The following POLH variants were observed in gnomAD, a reference collection of about 807,000 sequenced individuals.
POLH encodes the protein DNA polymerase eta.
Under a neutral mutation model 73.6 loss-of-function variants are expected in POLH, and 53 were observed. That is an observed-to-expected ratio of 0.72 (90% CI 0.58 to 0.91). POLH has a LOEUF of 0.91. POLH is among the 40% of genes least tolerant of loss of function. The probability of loss-of-function intolerance (pLI) is 0.00; values close to 1 mark genes in which losing one functional copy is unlikely to be tolerated. For synonymous variants in POLH, 292 were observed against 308.5 expected (o/e 0.95, Z 0.56); for missense variants, 768 against 865.4 (o/e 0.89, Z 1.41).
Position 43,605,278 on chromosome 6 carries a change from G to A in POLH, c.1033G>A (p.Ala345Thr). ...EQVQWWLLQL[A>T]QELEERLTKD... is the part of the protein sequence containing the mutation. ...GGTACAATGGTGGCTGTTGCAATTAGCCCAGGAACTAGAGGAGAGACTGAC... is the reference window on the plus strand; with the variant it reads ...GGTACAATGGTGGCTGTTGCAATTAACCCAGGAACTAGAGGAGAGACTGAC... The change falls in exon 9 of 11, where the codon GCC becomes ACC. Residue 345 changes from alanine to threonine, a missense_variant. Ala to Thr is a moderately conservative substitution (Grantham distance 58, BLOSUM62 0). Coordinates refer to ENST00000372236, the MANE Select transcript of POLH (RefSeq NM_006502.3). 2 of 1,596,036 alleles carry A rather than the reference G, an allele frequency of 1.3e-6. No individual in the cohort carries two copies. Among genetic ancestry groups the A allele is most frequent in the Non-Finnish European group, 1.7e-6 (2 of 1,163,854 alleles).
In POLH at chr6:43,614,343, C is replaced by T. The variant is rs755487113; in HGVS notation, c.1928C>T (p.Pro643Leu). The T allele has an allele frequency of 3.8e-5, 61 of 1,607,006 alleles. No homozygotes were observed. The highest frequency in any genetic ancestry group is 5.0e-5 in the Admixed American group (3 of 59,708). Residue 643 changes from proline (P) to leucine (L), a missense_variant, in exon 11 of 11, where the codon CCG becomes CTG. Pro to Leu is a moderately conservative substitution (Grantham distance 98, BLOSUM62 -3). Transcript: ENST00000372236. ...TGTGAGAAGTGTGGCTCCCTGGTAC[C>T]GGTATGGGATATGCCAGAACACATG... is the stretch of plus-strand genomic sequence containing the variant. The part of the protein sequence containing the change: ...VPCEKCGSLV[P>L]VWDMPEHMDY...
At position 43,592,404 on chromosome 6, in the gene POLH, C is replaced by CTT. The variant is rs897203358; in HGVS notation, c.490+4932_490+4933dup. 1.5e-3 allele frequency among the ~76,000 whole-genome samples: 199 copies of CTT among 131,788 alleles called. 1 individual carries two copies. The highest frequency in any genetic ancestry group is 4.7e-3 in the African/African-American group (160 of 34,044). 86.5% of individuals were successfully genotyped at this position (131,788 alleles called of 152,430 possible). ...TCCTGCATTTGCAGCTTTGTATCTT[C>CTT]TTTTTTTTTTTTTTTTTTGGAGAGG... On this transcript the variant is annotated intron_variant, in intron 4 of 10. Transcript: ENST00000372236.
chr6:43,593,908 GAAAA>G (rs1765759356), intron 4 of POLH, among the ~76,000 whole-genome samples: 1 of 143,910 alleles, frequency 6.9e-6, no homozygotes, highest in East Asian at 2.0e-4. Context: ...AAGAAAGAAA[GAAAA>G]GTTTTTTCTC....
rs1057450438 is a variant in POLH, at chr6:43,582,216, A to G, written c.-4-100A>G. ...CATTCTTGTTAGTTTCCATGCTCCCATGCTCATGGTAACTCATCAGTGAAA... is the reference window on the plus strand; with the variant it reads ...CATTCTTGTTAGTTTCCATGCTCCCGTGCTCATGGTAACTCATCAGTGAAA... On this transcript the variant is annotated intron_variant, in intron 1 of 10. Coordinates refer to ENST00000372236, the MANE Select transcript of POLH (RefSeq NM_006502.3). 5 of 1,084,592 alleles carry G rather than the reference A, an allele frequency of 4.6e-6. No individual in the cohort carries two copies. In the East Asian group the frequency reaches 1.2e-4, roughly 26 times the overall value. 67.2% of individuals were successfully genotyped at this position (1,084,592 alleles called of 1,614,324 possible).
intron 4 of POLH, among the ~76,000 whole-genome samples, chr6:43,587,832 A>G (rs984865560): frequency 2.0e-5 from 3 of 152,112 alleles, no homozygotes; most frequent in Non-Finnish European, 4.4e-5. Context: ...TTCAAGACCA[A>G]CCTGGCCAGC....
chr6:43,607,127 G>C (rs1263151186), intron 9 of POLH, among the ~76,000 whole-genome samples: 4 of 152,152 alleles, frequency 2.6e-5, no homozygotes, highest in Non-Finnish European at 4.4e-5. Flanking sequence ...ACGGAGTCTC[G>C]CTCTGTCACC....
At chr6:43,594,388 A>G (rs1765819265) in intron 4 of POLH, among the ~76,000 whole-genome samples, 2 of 152,200 alleles carry the variant, frequency 1.3e-5, no homozygotes, top group Admixed American at 6.5e-5. Flanking sequence ...AAAAAAAGCA[A>G]AAAATGCGCA....
At chr6:43,584,360 T>C (rs9296416) in intron 3 of POLH, among the ~76,000 whole-genome samples, 17,241 of 152,162 alleles carry the variant, frequency 0.11, 2,151 homozygotes, top group African/African-American at 0.31. Context: ...ATTGGAATTA[T>C]TGCTAGAAAA....
intron 9 of POLH, among the ~76,000 whole-genome samples, chr6:43,606,692 G>A (rs577593920): frequency 6.6e-6 from 1 of 152,242 alleles, no homozygotes; most frequent in African/African-American, 2.4e-5. Context: ...GCCTCCCAAA[G>A]TGCTGGGATT....
rs1768490324 is a variant in POLH at position 43,618,483 on chromosome 6, T to G, written c.*3926T>G. ...ACTGTATTCTTATTCTCCACTCTTG[T>G]GTGTGAAAAGTCAGCTCTTTTGGCT... On this transcript the variant is annotated 3_prime_UTR_variant, in exon 11 of 11. Transcript: ENST00000372236. 6.6e-6 allele frequency among the ~76,000 whole-genome samples: 1 copy of G among 151,842 alleles called. No homozygotes were observed.
intron 6 of POLH, among the ~76,000 whole-genome samples, chr6:43,602,830 A>C (rs1582306141): frequency 1.3e-5 from 2 of 150,690 alleles, no homozygotes; most frequent in East Asian, 3.9e-4. Context: ...ACTACGCCCG[A>C]CTAATTTTTG....
chr6:43,583,182 A>G (rs751290424), intron 3 of POLH, 41 bp downstream of exon 3: 2 of 1,568,820 alleles, frequency 1.3e-6, no homozygotes, highest in South Asian at 1.1e-5. Flanking sequence ...AAAGGAGTCG[A>G]AAATAATACT....
rs534773390 is a variant in POLH at position 43,604,989 on chromosome 6, A to C, written c.1008+251A>C. Among the ~76,000 whole-genome samples, 4 of 152,312 alleles carry C rather than the reference A, an allele frequency of 2.6e-5. No homozygotes were observed. The South Asian group carries it at 8.3e-4, about 32-fold the overall frequency. ...TGGAAAGCCTAGGATATTATGCTTCAAGTTTGGGTCTTGTCTTTTTCTCAG... is the reference window on the plus strand; with the variant it reads ...TGGAAAGCCTAGGATATTATGCTTCCAGTTTGGGTCTTGTCTTTTTCTCAG... On this transcript the variant is annotated intron_variant, in intron 8 of 10. Coordinates refer to ENST00000372236, the MANE Select transcript of POLH (RefSeq NM_006502.3).
rs60046548 is a variant in POLH, at chr6:43,619,364, C to CAAAAAAAAAA, written c.*4828_*4837dup. Among the ~76,000 whole-genome samples, 1 of 37,086 alleles carries CAAAAAAAAAA rather than the reference C, an allele frequency of 2.7e-5. No individual in the cohort carries two copies. Among genetic ancestry groups the CAAAAAAAAAA allele is most frequent in the Non-Finnish European group, 7.5e-5 (1 of 13,406 alleles). 24.3% of individuals were successfully genotyped at this position (37,086 alleles called of 152,430 possible). Reference sequence around the variant, plus strand: ...TGGGTGACAGTCTGAGACCCTGTCTCAAAAAAAAAAAAAAAAAAAAAAAAA... The same window carrying CAAAAAAAAAA: ...TGGGTGACAGTCTGAGACCCTGTCTCAAAAAAAAAAAAAAAAAAAAAAAAAAAAAAAAAAA... On this transcript the variant is annotated 3_prime_UTR_variant, in exon 11 of 11. Coordinates refer to ENST00000372236, the MANE Select transcript of POLH (RefSeq NM_006502.3).
chr6:43,601,592 A>G (rs1766741149), intron 6 of POLH, among the ~76,000 whole-genome samples: 1 of 152,068 alleles, frequency 6.6e-6, no homozygotes, highest in African/African-American at 2.4e-5. Context: ...TGAACCTTCA[A>G]TTCTGGGTTA....
At position 43,614,423 on chromosome 6, in the gene POLH, A is replaced by G. The variant is rs766983163; in HGVS notation, c.2008A>G (p.Asn670Asp). The change falls in exon 11 of 11, where the codon AAC becomes GAC. Residue 670 changes from asparagine to aspartate, a missense_variant. Physicochemically the swap from Asn to Asp is conservative, Grantham distance 23. Coordinates refer to ENST00000372236, the MANE Select transcript of POLH (RefSeq NM_006502.3). ...ATCCTTTTTGCAGCCCCACTCTTCA[A>G]ACCCCCAGGTTGTTTCTGCCGTATC... ...QKSFLQPHSS[N>D]PQVVSAVSHQ... 7.4e-6 allele frequency: 12 copies of G among 1,614,050 alleles called. No individual in the cohort carries two copies. Among genetic ancestry groups the G allele is most frequent in the Middle Eastern group, 1.6e-4 (1 of 6,084 alleles).
At chr6:43,604,361 T>C (rs1245702962) in intron 7 of POLH, among the ~76,000 whole-genome samples, 3 of 152,238 alleles carry the variant, frequency 2.0e-5, no homozygotes, top group East Asian at 3.8e-4. Context: ...AGTGGCTTGC[T>C]TGGCATTTTT....
chr6:43,585,665 G>A (rs1764724743), intron 3 of POLH, among the ~76,000 whole-genome samples: 1 of 140,194 alleles, frequency 7.1e-6, no homozygotes, highest in African/African-American at 3.1e-5. Context: ...GTGGGTGGGG[G>A]ACGGAGTTTC....
chr6:43,580,902 C>T (rs1262410984), intron 1 of POLH, among the ~76,000 whole-genome samples: 9 of 148,746 alleles, frequency 6.1e-5, no homozygotes, highest in East Asian at 4.0e-4. Flanking sequence ...CTGACCCCCC[C>T]ACCTCCCTCC....
Sources: allele counts gnomAD v4.1 joint callset (sites outside exome capture counted in the v4.1 genomes callset), GRCh38; gene constraint gnomAD v4.1.1; transcripts MANE v1.5; gene names NCBI Gene and HGNC (gene_info 2026-07-23, HGNC 2026-07-21).